The following CPVL variants were observed in gnomAD, a reference collection of about 807,000 sequenced individuals.
CPVL encodes carboxypeptidase vitellogenic like.
A neutral mutation model predicts 63.7 loss-of-function variants in CPVL; 51 were observed. The ratio of observed to expected loss-of-function variants is 0.80; its 90% CI spans 0.64 to 1.01. The LOEUF is 1.01. CPVL is among the 50% of genes least tolerant of loss of function. The probability of loss-of-function intolerance (pLI) is 0.00; values close to 1 mark genes in which losing one functional copy is unlikely to be tolerated. For missense variants in CPVL, 530 were observed against 573.1 expected (o/e 0.92, Z 0.77); for synonymous variants, 195 against 206.0 (o/e 0.95, Z 0.46).
intron 11 of CPVL, among the ~76,000 whole-genome samples, chr7:29,052,572 G>A (rs1340905826): frequency 6.6e-6 from 1 of 151,588 alleles, no homozygotes; most frequent in Non-Finnish European, 1.5e-5. Context: ...CAGAGAATAG[G>A]AAAAAAAATC....
At chr7:29,036,547 T>C (rs537254253) in intron 11 of CPVL, among the ~76,000 whole-genome samples, 1 of 152,328 alleles carries the variant, frequency 6.6e-6, no homozygotes, top group South Asian at 2.1e-4. Flanking sequence ...CTGAACTCTA[T>C]ATATATTCAA....
chr7:29,056,537 T>G (rs1192734502), intron 11 of CPVL, among the ~76,000 whole-genome samples: 2 of 152,340 alleles, frequency 1.3e-5, no homozygotes, highest in Non-Finnish European at 2.9e-5. Flanking sequence ...TTTTTAGCAC[T>G]GAATAAAATT....
At chr7:29,176,800 A>G (rs1185965248) in intron 5 of CPVL, among the ~76,000 whole-genome samples, 1 of 152,224 alleles carries the variant, frequency 6.6e-6, no homozygotes, top group Admixed American at 6.5e-5. Context: ...TAGAAGGAAG[A>G]GCATATAAAT....
At chr7:29,092,940 A>G (rs1785976931) in intron 5 of CPVL, among the ~76,000 whole-genome samples, 1 of 152,174 alleles carries the variant, frequency 6.6e-6, no homozygotes, top group South Asian at 2.1e-4. Context: ...CCCTGGGGTC[A>G]GTGGCTGAGC....
Position 29,040,161 on chromosome 7 carries a change from T to C in CPVL, c.1138-9402A>G, listed in dbSNP as rs145260980. On this transcript the variant is annotated intron_variant, in intron 11 of 12. Transcript: ENST00000265394. ...GCAAATCAGCCCTCCAAACTTCCTC[T>C]TCTGGCTGCTTTACTTATCATTCTT... Among the ~76,000 whole-genome samples, 123 of 152,352 alleles carry C rather than the reference T, an allele frequency of 8.1e-4. 1 individual carries two copies. The highest frequency in any genetic ancestry group is 2.8e-3 in the African/African-American group (117 of 41,584).
rs542781036 is a variant in CPVL at position 29,099,796 on chromosome 7, C to A, written c.289-3579G>T. Among the ~76,000 whole-genome samples the A allele has an allele frequency of 1.2e-4, 19 of 152,218 alleles. 1 individual carries two copies. Among genetic ancestry groups the A allele is most frequent in the South Asian group, 6.2e-4 (3 of 4,820 alleles). Reference sequence around the variant, plus strand: ...GCTGCTGCTTGGAAGCAGAGTGAGCCGTGGAATTGGGAGCCAGACAGGCTG... The same window carrying A: ...GCTGCTGCTTGGAAGCAGAGTGAGCAGTGGAATTGGGAGCCAGACAGGCTG... On this transcript the variant is annotated intron_variant, in intron 3 of 12. Coordinates refer to ENST00000265394, the MANE Select transcript of CPVL (RefSeq NM_031311.5).
intron 5 of CPVL, among the ~76,000 whole-genome samples, chr7:29,093,442 T>C (rs74616683): frequency 0.048 from 7,306 of 151,758 alleles, 214 homozygotes; most frequent in East Asian, 0.14. Context: ...TTGTACATTG[T>C]CTTCCTCTTC....
At chr7:29,038,299 C>T (rs1242283633) in intron 11 of CPVL, among the ~76,000 whole-genome samples, 2 of 152,030 alleles carry the variant, frequency 1.3e-5, no homozygotes, top group Admixed American at 6.5e-5. Flanking sequence ...GGAATTAGTG[C>T]CCCTACAAAA....
At chr7:29,043,615 C>T (rs1789336013) in intron 11 of CPVL, among the ~76,000 whole-genome samples, 1 of 152,096 alleles carries the variant, frequency 6.6e-6, no homozygotes, top group African/African-American at 2.4e-5. Flanking sequence ...GGAGCTTCTG[C>T]CCAGAGCAAA....
At position 29,153,656 on chromosome 7, in the gene CPVL, G is replaced by A. The variant is rs146096909; in HGVS notation, c.-11+27634C>T. Among the ~76,000 whole-genome samples the A allele has an allele frequency of 2.2e-3, 327 of 151,390 alleles. 2 individuals are homozygous for A. Among genetic ancestry groups the A allele is most frequent in the African/African-American group, 7.3e-3 (301 of 41,298 alleles). On this transcript the variant is annotated intron_variant, in intron 5 of 16. Transcript: ENST00000409850. The stretch of plus-strand genomic sequence containing the variant: ...ATGATCTTGGCTCACTGCAACCTCC[G>A]CCTCCCAGGTTCAAGGAATTCTCAT...
intron 1 of CPVL, among the ~76,000 whole-genome samples, chr7:29,140,390 A>G (rs1791746477): frequency 6.6e-6 from 1 of 152,216 alleles, no homozygotes; most frequent in Non-Finnish European, 1.5e-5. Flanking sequence ...AAAGGGTGAG[A>G]CACTTTGCTA....
At chr7:29,156,706 G>A (rs1794424821) in intron 5 of CPVL, among the ~76,000 whole-genome samples, 1 of 152,136 alleles carries the variant, frequency 6.6e-6, no homozygotes, top group Non-Finnish European at 1.5e-5. Context: ...TAGTATGAAA[G>A]CGACTATGTA....
At chr7:29,104,110 ACTC>A (rs1232765078) in intron 3 of CPVL, among the ~76,000 whole-genome samples, 1 of 152,242 alleles carries the variant, frequency 6.6e-6, no homozygotes, top group African/African-American at 2.4e-5. Context: ...ACACACACAC[ACTC>A]AACACATACA....
At chr7:29,153,505 G>A (rs1292441593) in intron 5 of CPVL, among the ~76,000 whole-genome samples, 2 of 152,100 alleles carry the variant, frequency 1.3e-5, no homozygotes, top group East Asian at 1.9e-4. Context: ...AAGACAATGA[G>A]GATGAAGACC....
chr7:29,026,538 T>C (rs1267818198), intron 12 of CPVL, among the ~76,000 whole-genome samples: 1 of 151,022 alleles, frequency 6.6e-6, no homozygotes, highest in Non-Finnish European at 1.5e-5. Flanking sequence ...AAAGGATCAA[T>C]GAAATAAAAA....
intron 12 of CPVL, among the ~76,000 whole-genome samples, chr7:29,030,216 A>G (rs763362802): frequency 6.6e-6 from 1 of 152,216 alleles, no homozygotes; most frequent in Admixed American, 6.5e-5. Context: ...TAAAAATGTG[A>G]TCATACATTT....
rs145291328 is a variant in CPVL, at chr7:29,167,077, C to T, written c.-11+14213G>A. Among the ~76,000 whole-genome samples the T allele has an allele frequency of 5.7e-4, 86 of 152,080 alleles. 2 individuals carry two copies. Among genetic ancestry groups the T allele is most frequent in the Middle Eastern group, 3.4e-3 (1 of 294 alleles). The stretch of plus-strand genomic sequence containing the variant: ...ATGTTTACAACTCCAAACAACTTGA[C>T]GAAAAGAATATTATCAATACCTTAA... On this transcript the variant is annotated intron_variant, in intron 5 of 16. Transcript: ENST00000409850.
intron 1 of CPVL, among the ~76,000 whole-genome samples, chr7:29,139,669 C>G (rs931733334): frequency 6.6e-6 from 1 of 152,124 alleles, no homozygotes; most frequent in African/African-American, 2.4e-5. Context: ...TTTGCAGACA[C>G]CAATGTTCAG....
intron 3 of CPVL, among the ~76,000 whole-genome samples, chr7:29,099,070 A>AAAT (rs1004834993): frequency 4.6e-5 from 7 of 152,072 alleles, no homozygotes; most frequent in East Asian, 3.9e-4. Flanking sequence ...CGTCTCAAAA[A>AAAT]AATAATAATA....
Sources: allele counts gnomAD v4.1 joint callset (sites outside exome capture counted in the v4.1 genomes callset), GRCh38; gene constraint gnomAD v4.1.1; transcripts MANE v1.5; gene names NCBI Gene and HGNC (gene_info 2026-07-23, HGNC 2026-07-21).